Variants in ASMTL observed in about 807,000 individuals in gnomAD.
ASMTL encodes the protein probable bifunctional dTTP/UTP pyrophosphatase/methyltransferase protein.
In ASMTL, 57 loss-of-function variants were observed where a neutral mutation model predicts 60.3. The ratio of observed to expected loss-of-function variants is 0.95; its 90% CI spans 0.76 to 1.18. The LOEUF is 1.18. Among genes scored for constraint, ASMTL ranks in the 50% most tolerant of loss-of-function variants. The pLI, the probability that ASMTL is intolerant of heterozygous loss-of-function variation, is 0.00. For synonymous variants in ASMTL, 419 were observed against 373.0 expected (o/e 1.12, Z -1.42); for missense variants, 981 against 852.6 (o/e 1.15, Z -1.88).
At chrX:1,420,372 C>G (rs1316821547) in intron 9 of ASMTL, among the ~76,000 whole-genome samples, 1 of 147,556 alleles carries the variant, frequency 6.8e-6, no homozygotes, top group African/African-American at 2.5e-5. Context: ...TTTCTGTCTG[C>G]CTATCTCTCT....
chrX:1,453,370 G>GGCCGCTTGGTGAAGCACCGCCCCC (rs1569535441), upstream of ASMTL, among the ~76,000 whole-genome samples: 1 of 55,700 alleles, frequency 1.8e-5, no homozygotes, highest in Non-Finnish European at 4.0e-5. Context: ...GCACCGCCCC[G>GGCCGCTTGGTGAAGCACCGCCCCC]GCCGCTTGGT....
chrX:1,412,793 A>C lies in ASMTL; in HGVS notation c.1584T>G (p.His528Gln), dbSNP rs2090080937. ...AELYVLCRIL[H>Q]DWPDDKVHKL... ...TGTGGACTTTGTCGTCTGGCCAGTC[A>C]TGCAGGATCCGGCACAGGACGTACA... Residue 528 changes from histidine to glutamine, a missense_variant, in exon 12 of 13, where the codon CAT becomes CAG. Transcript: ENST00000381317. 3 of 1,613,858 alleles carry C rather than the reference A, an allele frequency of 1.9e-6. No homozygotes were observed. Among genetic ancestry groups the C allele is most frequent in the Non-Finnish European group, 8.5e-7 (1 of 1,179,878 alleles).
chrX:1,421,584 A>C, intron 9 of ASMTL, 74 bp downstream of exon 9: 1 of 1,514,742 alleles, frequency 6.6e-7, no homozygotes, highest in South Asian at 1.2e-5. Flanking sequence ...CAAGGTGCCT[A>C]CTGATCTGTG....
At chrX:1,440,676 G>A (rs2091087762) in intron 2 of ASMTL, among the ~76,000 whole-genome samples, 1 of 152,118 alleles carries the variant, frequency 6.6e-6, no homozygotes, top group African/African-American at 2.4e-5. Flanking sequence ...GCTCACGCCT[G>A]TAATCCCAAC....
chrX:1,449,244 T>C (rs1421927140), intron 1 of ASMTL, among the ~76,000 whole-genome samples: 3 of 152,042 alleles, frequency 2.0e-5, no homozygotes, highest in African/African-American at 7.3e-5. Context: ...GCTGCTTTTC[T>C]TTTTTCGTCT....
chrX:1,432,462 G>T, intron 5 of ASMTL, 85 bp from the exon 6 acceptor site: 1 of 970,498 alleles, frequency 1.0e-6, no homozygotes, highest in Non-Finnish European at 1.6e-6. Context: ...TGCTGTGGAG[G>T]TGTGTACTCG....
In ASMTL at chrX:1,439,159, G is replaced by C. The variant is rs2149338123; in HGVS notation, c.226-15C>G. 3 of 1,613,966 alleles carry C rather than the reference G, an allele frequency of 1.9e-6. No individual in the cohort carries two copies. In the South Asian group the frequency reaches 3.3e-5, roughly 18 times the overall value. On this transcript the variant is annotated splice_polypyrimidine_tract_variant and intron_variant, in intron 2 of 12. Coordinates refer to ENST00000381317, the MANE Select transcript of ASMTL (RefSeq NM_004192.4). Reference sequence around the variant, plus strand: ...CGCAGGTCTTTCTGTAAGAAAACCAGATTCCGGTTTACCGGTGACGTGCCG... The same window carrying C: ...CGCAGGTCTTTCTGTAAGAAAACCACATTCCGGTTTACCGGTGACGTGCCG...
chrX:1,425,353 C>T (rs1304033481), intron 8 of ASMTL, 172 bp downstream of exon 8: 1 of 315,350 alleles, frequency 3.2e-6, no homozygotes. Flanking sequence ...ACTGTTCCCT[C>T]TCTGTCATTC....
chrX:1,428,624 G>A lies in ASMTL; in HGVS notation c.510-503C>T, dbSNP rs1891094200. ...ATCGTGCCACTGCACTCCAGCCTGGGCGGCAGAGGAAGACTCCGTCTCAAA... is the reference window on the plus strand; with the variant it reads ...ATCGTGCCACTGCACTCCAGCCTGGACGGCAGAGGAAGACTCCGTCTCAAA... On this transcript the variant is annotated intron_variant, in intron 6 of 12. Transcript: ENST00000381317. Among the ~76,000 whole-genome samples, 4 of 55,630 alleles carry A rather than the reference G, an allele frequency of 7.2e-5. No homozygotes were observed. The South Asian group carries it at 2.6e-3, about 37-fold the overall frequency. The allele number at this position is 55,630 out of a possible 152,430, so 36.5% of individuals were successfully genotyped here. A position where few individuals can be genotyped will look rare whatever the true frequency, so the allele number is the denominator to read the frequency against.
Position 1,421,742 on chromosome X carries a change from G to T in ASMTL, c.1161C>A (p.Leu387=). 4 of 1,613,924 alleles carry T rather than the reference G, an allele frequency of 2.5e-6. No homozygotes were observed. Among genetic ancestry groups the T allele is most frequent in the Non-Finnish European group, 2.5e-6 (3 of 1,179,858 alleles). ...IMHNNDLTWN[L]FTYLEFAIRE... is the part of the protein sequence containing the mutation. ...GGATGGCAAACTCCAGGTATGTAAA[G>T]AGGTTCCATGTGAGGTCATTATTGT... is the stretch of plus-strand genomic sequence containing the variant. The change falls in exon 9 of 13, where the codon CTC becomes CTA. Residue 387 remains leucine (L), a synonymous_variant. Coordinates refer to ENST00000381317, the MANE Select transcript of ASMTL (RefSeq NM_004192.4).
At chrX:1,422,239 T>G (rs1307406649) in intron 8 of ASMTL, among the ~76,000 whole-genome samples, 15 of 152,126 alleles carry the variant, frequency 9.9e-5, no homozygotes, top group Admixed American at 6.6e-5. Flanking sequence ...ACCATCAGTT[T>G]GACTTTAAGG....
At chrX:1,438,863 G>A (rs1396957957) in intron 3 of ASMTL, among the ~76,000 whole-genome samples, 7 of 152,134 alleles carry the variant, frequency 4.6e-5, no homozygotes, top group African/African-American at 1.2e-4. Context: ...ATGACCTAAG[G>A]TGATCCGCCC....
intron 3 of ASMTL, among the ~76,000 whole-genome samples, chrX:1,437,942 T>C (rs1246332449): frequency 2.0e-5 from 3 of 148,598 alleles, no homozygotes; most frequent in African/African-American, 5.0e-5. Context: ...GTAATTAAGA[T>C]GCGGTTGGAC....
intron 3 of ASMTL, among the ~76,000 whole-genome samples, chrX:1,438,172 C>G (rs1232625988): frequency 6.6e-6 from 1 of 150,590 alleles, no homozygotes; most frequent in African/African-American, 2.4e-5. Flanking sequence ...GCCTGTGATC[C>G]CAGCTACTCA....
At chrX:1,422,654 G>T (rs761898487) in intron 8 of ASMTL, among the ~76,000 whole-genome samples, 1 of 152,152 alleles carries the variant, frequency 6.6e-6, no homozygotes, top group African/African-American at 2.4e-5. Flanking sequence ...AGATGGCCTC[G>T]CACCACTCCG....
chrX:1,451,056 C>A (rs2091362932), intron 1 of ASMTL, among the ~76,000 whole-genome samples: 1 of 147,716 alleles, frequency 6.8e-6, no homozygotes, highest in Non-Finnish European at 1.5e-5. Context: ...GGTCACTCTC[C>A]CCTCCCCCAT....
At position 1,432,253 on chromosome X, in the gene ASMTL, C is replaced by T. The variant is rs751547849; in HGVS notation, c.509+16G>A. 5.0e-6 allele frequency: 8 copies of T among 1,589,986 alleles called. No individual in the cohort carries two copies. The East Asian group carries it at 8.9e-5, about 18-fold the overall frequency. On this transcript the variant is annotated intron_variant, in intron 6 of 12. Coordinates refer to ENST00000381317, the MANE Select transcript of ASMTL (RefSeq NM_004192.4). ...CCACACGTGTCCCCCGTCCCCCCAC[C>T]GCCCCCGAGACTCACATGGGCTCCC...
At chrX:1,450,633 C>G (rs1216903814) in intron 1 of ASMTL, among the ~76,000 whole-genome samples, 1 of 128,620 alleles carries the variant, frequency 7.8e-6, no homozygotes, top group Admixed American at 7.5e-5. Flanking sequence ...GGGTCACTCT[C>G]CCCTCCCCCA....
intron 11 of ASMTL, 143 bp from the exon 12 acceptor site, chrX:1,412,997 C>G: frequency 1.1e-6 from 1 of 884,592 alleles, no homozygotes. Context: ...TCCTGAAGTA[C>G]ATCCCCGTGG....
Sources: gnomAD v4.1 joint callset for allele counts (sites outside exome capture counted in the v4.1 genomes callset) on GRCh38, gnomAD v4.1.1 for gene constraint, MANE v1.5 for transcripts, NCBI Gene and HGNC (gene_info 2026-07-23, HGNC 2026-07-21) for gene names.